Variants in ATL1 observed in about 807,000 individuals in gnomAD.
ATL1 encodes atlastin GTPase 1, also known as atlastin-1.
In ATL1, 31 loss-of-function variants were observed where a neutral mutation model predicts 75.5. That is an observed-to-expected ratio of 0.41 (90% CI 0.31 to 0.55). ATL1 has a LOEUF of 0.55. Among genes scored for constraint, ATL1 ranks in the 20% least tolerant of loss-of-function variants. The pLI, the probability that ATL1 is intolerant of heterozygous loss-of-function variation, is 0.27. For synonymous variants in ATL1, 226 were observed against 233.3 expected, an observed-to-expected ratio of 0.97 and a Z score of 0.28; for missense variants, 405 against 662.6, an observed-to-expected ratio of 0.61 and a Z score of 4.27.
chr14:50,576,006 T>C (rs185823698), intron 1 of ATL1, among the ~76,000 whole-genome samples: 151 of 152,302 alleles, frequency 9.9e-4, no homozygotes, highest in Admixed American at 3.5e-3. Flanking sequence ...CAGACTATCC[T>C]CAACTTATGA....
intron 2 of ATL1, among the ~76,000 whole-genome samples, chr14:50,590,453 C>T (rs1235393068): frequency 1.3e-5 from 2 of 151,988 alleles, no homozygotes; most frequent in East Asian, 3.9e-4. Context: ...CTACTTCCTT[C>T]CTTTCTGCCT....
intron 1 of ATL1, among the ~76,000 whole-genome samples, chr14:50,545,479 A>G (rs947324266): frequency 1.3e-5 from 2 of 152,194 alleles, no homozygotes; most frequent in Non-Finnish European, 2.9e-5. Context: ...AAATAGTCCA[A>G]CTGCTCAACC....
chr14:50,612,894 T>G (rs2039379183), intron 6 of ATL1, among the ~76,000 whole-genome samples: 2 of 152,128 alleles, frequency 1.3e-5, no homozygotes, highest in South Asian at 4.1e-4. Context: ...TTATATCTTA[T>G]GCCTGCATTC....
At chr14:50,549,272 A>G (rs1038669133) in intron 1 of ATL1, among the ~76,000 whole-genome samples, 5 of 152,248 alleles carry the variant, frequency 3.3e-5, no homozygotes, top group Admixed American at 2.0e-4. Flanking sequence ...CTGACACCAT[A>G]TAACCATATA....
rs2038966600 is a variant in ATL1, at chr14:50,572,863, A to G, written c.34+12564A>G. On this transcript the variant is annotated intron_variant, in intron 1 of 13. Coordinates refer to ENST00000358385, the MANE Select transcript of ATL1 (RefSeq NM_015915.5). The stretch of plus-strand genomic sequence containing the variant: ...CTGTTATAAGGATATACCCTAGACT[A>G]GGTAATTTATAAATGAAAGAGGTTT... Among the ~76,000 whole-genome samples, 3 of 152,206 alleles carry G rather than the reference A, an allele frequency of 2.0e-5. No homozygotes were observed. In the South Asian group the frequency reaches 6.2e-4, roughly 31 times the overall value.
rs754461714 is a variant in ATL1, at chr14:50,628,023, T to G, written c.1120-8T>G. On this transcript the variant is annotated splice_polypyrimidine_tract_variant and splice_region_variant and intron_variant, in intron 11 of 13. Transcript: ENST00000358385. ...TTGCATAAACAAATACTTCTCTATC[T>G]GATACAGATTTGTGGTGGTGACAAA... The G allele has an allele frequency of 6.2e-7, 1 of 1,614,120 alleles. No homozygotes were observed. The highest frequency in any genetic ancestry group is 8.5e-7 in the Non-Finnish European group (1 of 1,179,962).
At chr14:50,614,970 C>T (rs2039401182) in intron 8 of ATL1, among the ~76,000 whole-genome samples, 1 of 152,070 alleles carries the variant, frequency 6.6e-6, no homozygotes, top group African/African-American at 2.4e-5. Flanking sequence ...AAAATGAAAT[C>T]TTGTGTGGAA....
intron 9 of ATL1, among the ~76,000 whole-genome samples, chr14:50,621,482 G>C (rs2039466285): frequency 6.6e-6 from 1 of 152,080 alleles, no homozygotes; most frequent in Admixed American, 6.6e-5. Context: ...GGAGATTCAG[G>C]ACCTTCACAA....
Position 50,620,309 on chromosome 14 carries a change from G to A in ATL1, c.863-290G>A, listed in dbSNP as rs200374295. On this transcript the variant is annotated intron_variant, in intron 8 of 13. Transcript: ENST00000358385. ...CAAAACTTGAACTGGTTATATGAAT[G>A]GGCTACATACAAAGCATACATGTAA... 9.9e-5 allele frequency among the ~76,000 whole-genome samples: 15 copies of A among 152,168 alleles called. No individual in the cohort carries two copies. In the East Asian group the frequency reaches 2.9e-3, roughly 29 times the overall value.
At chr14:50,575,175 C>A (rs773686888) in intron 1 of ATL1, among the ~76,000 whole-genome samples, 1 of 151,672 alleles carries the variant, frequency 6.6e-6, no homozygotes, top group African/African-American at 2.4e-5. Context: ...CATACACACA[C>A]ATGCACAGTG....
chr14:50,618,683 G>T (rs1477091049), intron 8 of ATL1, among the ~76,000 whole-genome samples: 1 of 152,054 alleles, frequency 6.6e-6, no homozygotes, highest in African/African-American at 2.4e-5. Context: ...CTTAAGTTTT[G>T]AATCTTTAAG....
rs974359414 is a variant in ATL1 at position 50,587,988 on chromosome 14, C to T, written c.192C>T (p.Asp64=). 6.2e-7 allele frequency: 1 copy of T among 1,614,090 alleles called. No homozygotes were observed. The highest frequency in any genetic ancestry group is 8.5e-7 in the Non-Finnish European group (1 of 1,180,006). Residue 64 remains aspartate (D), a synonymous_variant, in exon 2 of 14, where the codon GAC becomes GAT. Coordinates refer to ENST00000358385, the MANE Select transcript of ATL1 (RefSeq NM_015915.5). ...TCCTTCTCTCGGAGGCTGTCAGAGA[C>T]AAGGAGGTTGTTGCTGTATCTGTTG... is the stretch of plus-strand genomic sequence containing the variant. The part of the protein sequence containing the change: ...NRILLSEAVR[D]KEVVAVSVAG...
At position 50,590,956 on chromosome 14, in the gene ATL1, G is replaced by A. The variant is rs2039150272; in HGVS notation, c.298G>A (p.Val100Ile). 1 of 1,613,748 alleles carries A rather than the reference G, an allele frequency of 6.2e-7. No homozygotes were observed. The highest frequency in any genetic ancestry group is 8.5e-7 in the Non-Finnish European group (1 of 1,179,878). The part of the protein sequence containing the change: ...YMYNQESVDW[V>I]GDYNEPLTGF... ...CATTTTATAGGAATCAGTTGATTGG[G>A]TTGGAGACTACAATGAACCATTGAC... The change falls in exon 3 of 14, where the codon GTT becomes ATT. Residue 100 changes from valine (V) to isoleucine (I), a missense_variant. Val to Ile is a conservative substitution (Grantham distance 29). Transcript: ENST00000358385.
chr14:50,619,853 C>T (rs1359308266), intron 8 of ATL1, among the ~76,000 whole-genome samples: 1 of 152,166 alleles, frequency 6.6e-6, no homozygotes, highest in African/African-American at 2.4e-5. Context: ...ATGCACGGAG[C>T]AATTTTTGGA....
At chr14:50,541,349 A>T (rs970967593) in intron 1 of ATL1, among the ~76,000 whole-genome samples, 4 of 152,290 alleles carry the variant, frequency 2.6e-5, no homozygotes, top group Non-Finnish European at 5.9e-5. Context: ...TACATACTTT[A>T]AAAAATACCA....
chr14:50,580,563 C>A (rs773139392), intron 1 of ATL1, among the ~76,000 whole-genome samples: 1 of 151,962 alleles, frequency 6.6e-6, no homozygotes, highest in Non-Finnish European at 1.5e-5. Context: ...ATAATAGATA[C>A]CATGTGTTTG....
intron 1 of ATL1, among the ~76,000 whole-genome samples, chr14:50,553,519 C>T (rs2038728725): frequency 6.6e-6 from 1 of 152,054 alleles, no homozygotes; most frequent in Non-Finnish European, 1.5e-5. Context: ...TAAACTAGTA[C>T]AACCACTACG....
intron 6 of ATL1, among the ~76,000 whole-genome samples, chr14:50,609,567 G>A (rs1472232836): frequency 2.6e-5 from 4 of 151,908 alleles, no homozygotes; most frequent in Non-Finnish European, 5.9e-5. Context: ...CTTGGACAAG[G>A]AGATATGGAT....
chr14:50,569,028 C>T lies in ATL1; in HGVS notation c.34+8729C>T, dbSNP rs376268706. Among the ~76,000 whole-genome samples the T allele has an allele frequency of 7.2e-5, 11 of 152,178 alleles. No homozygotes were observed. The East Asian group carries it at 7.7e-4, about 11-fold the overall frequency. ...GTATACATATTGTGTGTCCAAAACACATAAACTAGTAACTGTTTTTTTAAA... is the reference window on the plus strand; with the variant it reads ...GTATACATATTGTGTGTCCAAAACATATAAACTAGTAACTGTTTTTTTAAA... On this transcript the variant is annotated intron_variant, in intron 1 of 13. Transcript: ENST00000358385.
Sources: allele counts gnomAD v4.1 joint callset (sites outside exome capture counted in the v4.1 genomes callset), GRCh38; gene constraint gnomAD v4.1.1; transcripts MANE v1.5; gene names NCBI Gene and HGNC (gene_info 2026-07-23, HGNC 2026-07-21).